Variants in PCDH15 observed in about 807,000 individuals in gnomAD.
The protein encoded by PCDH15 is protocadherin-15.
Under a neutral mutation model 178.5 loss-of-function variants are expected in PCDH15, and 129 were observed. That is an observed-to-expected ratio of 0.72 (90% CI 0.63 to 0.84). PCDH15 has a LOEUF of 0.84. PCDH15 is among the 40% of genes least tolerant of loss of function. PCDH15 has a pLI of 0.00. For synonymous variants in PCDH15, 800 were observed against 732.0 expected (o/e 1.09, Z -1.50); for missense variants, 2,230 against 2,099.9 (o/e 1.06, Z -1.21).
chr10:55,302,019 A>G (rs909612875), intron 1 of PCDH15, among the ~76,000 whole-genome samples: 19 of 152,286 alleles, frequency 1.2e-4, no homozygotes, highest in African/African-American at 4.6e-4. Context: ...GTAGAATGCT[A>G]TCTTCCACTT....
intron 25 of PCDH15, among the ~76,000 whole-genome samples, chr10:53,922,452 G>T (rs984306017): frequency 5.3e-5 from 8 of 152,268 alleles, no homozygotes; most frequent in Admixed American, 6.5e-5. Flanking sequence ...AAAGGTTAGA[G>T]AAGTTTGTAA....
chr10:54,752,502 AAAACAAAAAAC>A (rs1440414506), intron 1 of PCDH15, among the ~76,000 whole-genome samples: 3,940 of 90,818 alleles, frequency 0.043, 522 homozygotes, highest in African/African-American at 0.15. Context: ...CAAAAAACAA[AAAACAAAAAAC>A]AAACAAACAA....
At chr10:55,135,581 T>C (rs1277120704) in intron 2 of PCDH15, among the ~76,000 whole-genome samples, 1 of 131,304 alleles carries the variant, frequency 7.6e-6, no homozygotes, top group Non-Finnish European at 1.6e-5. Context: ...TTTCTTTTTT[T>C]TTTTTTTTTT....
chr10:54,546,823 T>C (rs559641238), intron 2 of PCDH15, among the ~76,000 whole-genome samples: 6 of 152,164 alleles, frequency 3.9e-5, no homozygotes, highest in Non-Finnish European at 8.8e-5. Context: ...CCTTAACACC[T>C]CCTTCAACAC....
At chr10:55,007,106 T>A (rs1839948072) in intron 2 of PCDH15, among the ~76,000 whole-genome samples, 1 of 152,114 alleles carries the variant, frequency 6.6e-6, no homozygotes, top group South Asian at 2.1e-4. Flanking sequence ...TCCACTATAA[T>A]CTTAAGCCTC....
intron 1 of PCDH15, among the ~76,000 whole-genome samples, chr10:54,739,562 G>GA (rs59307786): frequency 1.1e-3 from 122 of 114,562 alleles, no homozygotes; most frequent in East Asian, 4.9e-3. Context: ...TCACAAAATC[G>GA]AAAAAAAAAA....
chr10:53,808,696 A>C, intron 37 of PCDH15: 1 of 1,612,060 alleles, frequency 6.2e-7, no homozygotes, highest in South Asian at 1.1e-5. Context: ...TCTCTTTCAA[A>C]GTGCTGTGTT....
At chr10:55,311,300 T>C (rs545152629) in intron 1 of PCDH15, among the ~76,000 whole-genome samples, 1 of 152,204 alleles carries the variant, frequency 6.6e-6, no homozygotes. Context: ...AGAGTGTCAG[T>C]GAGCTATTCA....
intron 1 of PCDH15, among the ~76,000 whole-genome samples, chr10:54,770,099 C>A (rs1317111984): frequency 6.6e-6 from 1 of 152,094 alleles, no homozygotes; most frequent in Non-Finnish European, 1.5e-5. Flanking sequence ...AATGCAGATA[C>A]AGAAACATTT....
intron 13 of PCDH15, 107 bp downstream of exon 13, chr10:54,183,337 G>A: frequency 1.8e-6 from 2 of 1,091,296 alleles, no homozygotes; most frequent in Non-Finnish European, 2.8e-6. Flanking sequence ...TATACAATAA[G>A]TGTGAAATCA....
intron 2 of PCDH15, among the ~76,000 whole-genome samples, chr10:55,519,927 T>G (rs1394439436): frequency 6.6e-6 from 1 of 150,800 alleles, no homozygotes; most frequent in Non-Finnish European, 1.5e-5. Flanking sequence ...GTTACTTAAC[T>G]TCTCTAAACC....
intron 3 of PCDH15, among the ~76,000 whole-genome samples, chr10:54,385,408 C>A (rs182824067): frequency 6.6e-6 from 1 of 152,134 alleles, no homozygotes; most frequent in Non-Finnish European, 1.5e-5. Flanking sequence ...AGGTAATTTG[C>A]TTCTGGAAAC....
At chr10:55,155,132 G>A (rs543310495) in intron 2 of PCDH15, among the ~76,000 whole-genome samples, 2 of 152,090 alleles carry the variant, frequency 1.3e-5, no homozygotes, top group Admixed American at 6.6e-5. Context: ...GATTTTAGGA[G>A]GCAAACAATG....
At chr10:54,605,083 T>A (rs2092689784) in intron 2 of PCDH15, among the ~76,000 whole-genome samples, 1 of 151,854 alleles carries the variant, frequency 6.6e-6, no homozygotes, top group South Asian at 2.1e-4. Flanking sequence ...AATTTACATA[T>A]CTTAACATGT....
intron 2 of PCDH15, among the ~76,000 whole-genome samples, chr10:55,580,364 T>TC (rs1195674201): frequency 6.7e-6 from 1 of 150,130 alleles, no homozygotes; most frequent in Admixed American, 6.6e-5. Context: ...TTTTTTATTT[T>TC]TTTTTTTTTT....
intron 23 of PCDH15, among the ~76,000 whole-genome samples, chr10:53,942,923 G>C (rs1477320075): frequency 6.6e-6 from 1 of 152,026 alleles, no homozygotes; most frequent in South Asian, 2.1e-4. Flanking sequence ...TTTGAACAAT[G>C]GATTGTTAAT....
chr10:55,077,302 C>T (rs1218216613), intron 2 of PCDH15, among the ~76,000 whole-genome samples: 1 of 151,970 alleles, frequency 6.6e-6, no homozygotes, highest in African/African-American at 2.4e-5. Context: ...GGTTTTCTTC[C>T]TTTCACAGTG....
chr10:54,801,625 C>T (rs561426588), upstream of PCDH15, among the ~76,000 whole-genome samples: 3 of 152,114 alleles, frequency 2.0e-5, no homozygotes, highest in East Asian at 5.8e-4. Context: ...TTATCATTCT[C>T]TCTGTCTCTC....
intron 2 of PCDH15, among the ~76,000 whole-genome samples, chr10:55,128,450 A>T (rs1837959210): frequency 6.6e-6 from 1 of 151,960 alleles, no homozygotes; most frequent in Non-Finnish European, 1.5e-5. Flanking sequence ...TCCCTACTTA[A>T]CCTCATGCTC....
Sources: gnomAD v4.1 joint callset for allele counts (sites outside exome capture counted in the v4.1 genomes callset) on GRCh38, gnomAD v4.1.1 for gene constraint, MANE v1.5 for transcripts, NCBI Gene and HGNC (gene_info 2026-07-23, HGNC 2026-07-21) for gene names.